Variants in EIF4G2 observed in about 807,000 individuals in gnomAD.
The protein encoded by EIF4G2 is DAP-5.
Under a neutral mutation model 117.7 loss-of-function variants are expected in EIF4G2, and 8 were observed. The ratio of observed to expected loss-of-function variants is 0.07; its 90% CI spans 0.04 to 0.12. The LOEUF is 0.12. Ranked by LOEUF, EIF4G2 falls within the 10% of genes least tolerant of loss-of-function variation. The probability of loss-of-function intolerance (pLI) is 1.00; values close to 1 mark genes in which losing one functional copy is unlikely to be tolerated. For synonymous variants in EIF4G2, 413 were observed against 367.8 expected (o/e 1.12, Z -1.41); for missense variants, 812 against 1,086.2 (o/e 0.75, Z 3.55).
At chr11:10,804,614 A>C in intron 5 of EIF4G2, 196 bp from the exon 6 acceptor site, 2 of 693,996 alleles carry the variant, frequency 2.9e-6, no homozygotes, top group Non-Finnish European at 4.6e-6. Flanking sequence ...GTCTACATAA[A>C]CTGTCATACA....
At position 10,801,646 on chromosome 11, in the gene EIF4G2, C is replaced by T. The variant is rs367756091; in HGVS notation, c.1413+15G>A. 1.2e-6 allele frequency: 2 copies of T among 1,604,354 alleles called. No individual in the cohort carries two copies. The highest frequency in any genetic ancestry group is 1.3e-5 in the African/African-American group (1 of 74,716). ...TGGACAAACTATGGTATATAAGTAA[C>T]ATAGGCAAATGTACCTCATCTGCAT... On this transcript the variant is annotated intron_variant, in intron 14 of 21. Coordinates refer to ENST00000339995, the MANE Select transcript of EIF4G2 (RefSeq NM_001418.4).
At chr11:10,801,199 T>C (rs1847406702) in intron 14 of EIF4G2, 112 bp from the exon 15 acceptor site, 2 of 1,470,490 alleles carry the variant, frequency 1.4e-6, no homozygotes, top group South Asian at 2.8e-5. Flanking sequence ...ACATTAAGCT[T>C]TTTGAAAAAC....
At position 10,803,551 on chromosome 11, in the gene EIF4G2, C is replaced by G. The variant is rs770630781; in HGVS notation, c.742G>C (p.Gly248Arg). ...TGACAGAGGCACTCCAAATCCTCTC[C>G]CATATCTTTGAGTTGGACTCTCTTC... Residue 248 changes from glycine (G) to arginine (R), a missense_variant, in exon 9 of 22, where the codon GGA (glycine) becomes CGA (arginine). By Grantham distance (125) the Gly-to-Arg change is moderately radical. Transcript: ENST00000339995. This position sits in a 1 kb window ranked among gnomAD's most constrained non-coding sequence, Gnocchi z 4.0. 2 of 1,614,052 alleles carry G rather than the reference C, an allele frequency of 1.2e-6. No homozygotes were observed. The highest frequency in any genetic ancestry group is 4.5e-5 in the East Asian group (2 of 44,858).
chr11:10,808,888 C>A lies in EIF4G2; in HGVS notation c.-270G>T, dbSNP rs537133889. 6.4e-6 allele frequency: 1 copy of A among 157,376 alleles called. No homozygotes were observed. The highest frequency in any genetic ancestry group is 2.4e-5 in the African/African-American group (1 of 41,600). 9.7% of individuals were successfully genotyped at this position (157,376 alleles called of 1,614,324 possible). On this transcript the variant is annotated 5_prime_UTR_variant, in exon 1 of 22. Coordinates refer to ENST00000339995, the MANE Select transcript of EIF4G2 (RefSeq NM_001418.4). ...TCGCTGCTGCAGCCGCCACTCGGTA[C>A]CCGCTGCCACCTCCATAGAGCTCCG...
rs773502175 is a variant in EIF4G2 at position 10,799,604 on chromosome 11, T to C, written c.2272A>G (p.Ile758Val). The C allele has an allele frequency of 4.3e-6, 7 of 1,614,126 alleles. No homozygotes were observed. The highest frequency in any genetic ancestry group is 5.9e-6 in the Non-Finnish European group (7 of 1,180,002). Reference sequence around the variant, plus strand: ...TTATCTACATGAAGTTTGGGAGAGATGTTATCTTTAATCCATTTATATATG... The same window carrying C: ...TTATCTACATGAAGTTTGGGAGAGACGTTATCTTTAATCCATTTATATATG... Residue 758 changes from isoleucine to valine, a missense_variant, in exon 19 of 22, where the codon ATC (isoleucine) becomes GTC (valine). By Grantham distance (29) the Ile-to-Val change is conservative. Around this residue, in one of 4 missense-constraint regions of EIF4G2, gnomAD observed 571 missense variants for 642.3 expected, o/e 0.89. Transcript: ENST00000339995.
chr11:10,806,868 C>A lies in EIF4G2; in HGVS notation c.59G>T (p.Gly20Val). Reference sequence around the variant, plus strand: ...GTGCTGAGGTGCACCCCTACTTCCTCCTCCGCCCGAAGAAGCACTATTTAA... The same window carrying A: ...GTGCTGAGGTGCACCCCTACTTCCTACTCCGCCCGAAGAAGCACTATTTAA... The change falls in exon 3 of 22, where the codon GGA becomes GTA. Residue 20 changes from glycine (G) to valine (V), a missense_variant. By Grantham distance (109) the Gly-to-Val change is moderately radical. This residue lies in a region of EIF4G2 where 79 missense variants were observed against 91.5 expected (regional missense o/e 0.86). Transcript: ENST00000339995. The A allele has an allele frequency of 6.2e-7, 1 of 1,614,166 alleles. No individual in the cohort carries two copies. Among genetic ancestry groups the A allele is most frequent in the Non-Finnish European group, 8.5e-7 (1 of 1,180,022 alleles).
intron 14 of EIF4G2, 83 bp from the exon 15 acceptor site, chr11:10,801,170 A>C: frequency 6.5e-7 from 1 of 1,546,798 alleles, no homozygotes. Flanking sequence ...AATCCTATAC[A>C]GTGACAGAAT....
chr11:10,806,927 T>C (rs778486089), intron 2 of EIF4G2, 42 bp from the exon 3 acceptor site: 63 of 1,530,436 alleles, frequency 4.1e-5, no homozygotes, highest in Non-Finnish European at 5.2e-5. Context: ...CCCAACTATG[T>C]CTCACTCAAA....
chr11:10,805,057 C>T (rs761356425), intron 4 of EIF4G2, 42 bp from the exon 5 acceptor site: 1 of 1,481,074 alleles, frequency 6.8e-7, no homozygotes, highest in Non-Finnish European at 9.4e-7. Context: ...AGCTAATACA[C>T]AGAATTTGAA....
intron 11 of EIF4G2, among the ~76,000 whole-genome samples, 188 bp downstream of exon 11, chr11:10,802,842 G>A (rs1282735434): frequency 6.6e-6 from 1 of 152,210 alleles, no homozygotes; most frequent in African/African-American, 2.4e-5. Context: ...ACTCCAGCCT[G>A]GGTGACAGTG....
At position 10,802,236 on chromosome 11, in the gene EIF4G2, C is replaced by T. The variant is rs527759021; in HGVS notation, c.1139-27G>A. On this transcript the variant is annotated intron_variant, in intron 12 of 21. Coordinates refer to ENST00000339995, the MANE Select transcript of EIF4G2 (RefSeq NM_001418.4). Reference sequence around the variant, plus strand: ...TTAAAATACATATACGGACAACTCTCAAAACTAAAGTTAACTGATTTTTCA... The same window carrying T: ...TTAAAATACATATACGGACAACTCTTAAAACTAAAGTTAACTGATTTTTCA... 181 of 1,612,032 alleles carry T rather than the reference C, an allele frequency of 1.1e-4. 2 individuals carry two copies. The South Asian group carries it at 1.9e-3, about 17-fold the overall frequency.
chr11:10,800,400 G>T (rs1564981162), intron 17 of EIF4G2, 32 bp downstream of exon 17: 1 of 1,613,170 alleles, frequency 6.2e-7, no homozygotes. Context: ...AGTGGTAAGA[G>T]TTCTTACCAC....
chr11:10,805,089 A>T (rs956611120), intron 4 of EIF4G2, 74 bp from the exon 5 acceptor site: 15 of 1,208,428 alleles, frequency 1.2e-5, no homozygotes, highest in Non-Finnish European at 1.7e-5. Context: ...CTTTTAAATT[A>T]TACTGATTTT....
chr11:10,807,948 G>C, intron 1 of EIF4G2: 2 of 1,017,906 alleles, frequency 2.0e-6, no homozygotes, highest in South Asian at 6.9e-5. Flanking sequence ...CCCTTCCTGG[G>C]AACAAAAGAG....
At chr11:10,807,413 C>A (rs748018941) in intron 1 of EIF4G2, 32 bp from the exon 2 acceptor site, 19 of 1,575,670 alleles carry the variant, frequency 1.2e-5, no homozygotes, top group Non-Finnish European at 1.4e-5. Flanking sequence ...AAATTAGACA[C>A]TGCTAACATA....
At chr11:10,808,085 G>A in intron 1 of EIF4G2, 1 of 1,059,236 alleles carries the variant, frequency 9.4e-7, no homozygotes, top group Non-Finnish European at 1.1e-6. Flanking sequence ...CCAGCTCTTT[G>A]TTCTCCAAGC....
chr11:10,797,985 T>C lies in EIF4G2; in HGVS notation c.2659-104A>G, dbSNP rs974047741. On this transcript the variant is annotated intron_variant, in intron 21 of 21. Transcript: ENST00000339995. The surrounding 1 kb of genome is among the most constrained non-coding windows in gnomAD (Gnocchi z 4.5). ...ACAGTTTTAGAATATGAAACAAGGA[T>C]ATCCCTACCAACAATTTGTATATTA... 1.0e-6 allele frequency: 1 copy of C among 989,122 alleles called. No individual in the cohort carries two copies. Among genetic ancestry groups the C allele is most frequent in the Non-Finnish European group, 1.6e-6 (1 of 642,786 alleles). 61.3% of individuals were successfully genotyped at this position (989,122 alleles called of 1,614,324 possible).
intron 1 of EIF4G2, chr11:10,808,291 G>A: frequency 2.5e-6 from 3 of 1,216,244 alleles, no homozygotes; most frequent in Non-Finnish European, 3.1e-6. Flanking sequence ...CCGCCGGGAG[G>A]CCAGGCTCCG....
intron 14 of EIF4G2, chr11:10,801,360 C>T (rs2135409657): frequency 1.6e-6 from 1 of 617,990 alleles, no homozygotes; most frequent in East Asian, 2.9e-5. Context: ...AATTTAACTA[C>T]AGTTTAGAAA....
Sources: allele counts gnomAD v4.1 joint callset (sites outside exome capture counted in the v4.1 genomes callset), GRCh38; gene constraint gnomAD v4.1.1; regional missense constraint gnomAD v4.1.1; non-coding constraint Gnocchi (gnomAD v3.1); transcripts MANE v1.5; gene names NCBI Gene and HGNC (gene_info 2026-07-23, HGNC 2026-07-21).